The following MYOM1 variants were observed in gnomAD, a reference collection of about 807,000 sequenced individuals.
The protein encoded by MYOM1 is myomesin-1.
In MYOM1, 164 loss-of-function variants were observed where a neutral mutation model predicts 205.3. The ratio of observed to expected loss-of-function variants is 0.80; its 90% confidence interval spans 0.70 to 0.91. MYOM1 has a LOEUF of 0.91. Ranked by LOEUF, MYOM1 falls within the 40% of genes least tolerant of loss-of-function variation. MYOM1 has a pLI of 0.00. For synonymous variants in MYOM1, 772 were observed against 789.4 expected, an observed-to-expected ratio of 0.98 and a Z score of 0.37; for missense variants, 2,011 against 2,127.3, an observed-to-expected ratio of 0.95 and a Z score of 1.08.
At chr18:3,092,816 C>G (rs549466021) in intron 26 of MYOM1, among the ~76,000 whole-genome samples, 1 of 152,158 alleles carries the variant, frequency 6.6e-6, no homozygotes, top group Non-Finnish European at 1.5e-5. Flanking sequence ...ATCACTTGAA[C>G]GAGAAACTAC....
At chr18:3,085,193 A>ATTTTTT in intron 30 of MYOM1, 61 bp from the exon 31 acceptor site, 1 of 503,900 alleles carries the variant, frequency 2.0e-6, no homozygotes, top group Non-Finnish European at 3.0e-6. Flanking sequence ...GGTATCTGTG[A>ATTTTTT]TTTTTTTTTT....
chr18:3,237,081 AAAG>A, the MYOM1 span, among the ~76,000 whole-genome samples: 1 of 152,206 alleles, frequency 6.6e-6, no homozygotes, highest in East Asian at 1.9e-4. Flanking sequence ...GTCAGAAAAA[AAAG>A]ATTTATTATA....
chr18:3,211,154 A>G (rs1211019081), intron 2 of MYOM1, among the ~76,000 whole-genome samples: 1 of 152,360 alleles, frequency 6.6e-6, no homozygotes, highest in East Asian at 1.9e-4. Flanking sequence ...ATAAGAAAAC[A>G]TTCTTTTTAA....
rs80274985 is a variant in MYOM1, at chr18:3,135,836, A to G, written c.2026-106T>C. ...CATCTGCAACAAACCACTCCCTGTA[A>G]TGCAAGCTGGACTGGAGGAGAGATG... On this transcript the variant is annotated intron_variant, in intron 14 of 37. Transcript: ENST00000356443. This position sits in a 1 kb window ranked among gnomAD's most constrained non-coding sequence, Gnocchi z 4.1. 9.5e-4 allele frequency: 1,162 copies of G among 1,223,196 alleles called. 14 individuals carry two copies. The East Asian group carries it at 0.026, about 28-fold the overall frequency. 75.8% of individuals were successfully genotyped at this position (1,223,196 alleles called of 1,614,324 possible). A position where few individuals can be genotyped will look rare whatever the true frequency, so the allele number is the denominator to read the frequency against.
chr18:3,176,877 A>T (rs1419352102), intron 5 of MYOM1, among the ~76,000 whole-genome samples: 1 of 145,070 alleles, frequency 6.9e-6, no homozygotes, highest in South Asian at 2.2e-4. Context: ...GTGAGACTCC[A>T]TCTCGAAAAA....
At chr18:3,108,987 C>A (rs1220377714) in intron 22 of MYOM1, among the ~76,000 whole-genome samples, 1 of 140,858 alleles carries the variant, frequency 7.1e-6, no homozygotes, top group Non-Finnish European at 1.6e-5. Context: ...TTTCTTTTTC[C>A]TTTTTTTTTT....
At chr18:3,231,437 C>T in the MYOM1 span, among the ~76,000 whole-genome samples, 1 of 152,100 alleles carries the variant, frequency 6.6e-6, no homozygotes, top group Admixed American at 6.5e-5. Flanking sequence ...AACATTTGGC[C>T]CATGAAACCC....
chr18:3,201,536 G>C (rs1275384138), intron 2 of MYOM1, among the ~76,000 whole-genome samples: 2 of 151,872 alleles, frequency 1.3e-5, no homozygotes, highest in African/African-American at 4.8e-5. Context: ...ATACACACAT[G>C]TACATGCACA....
intron 13 of MYOM1, among the ~76,000 whole-genome samples, chr18:3,145,461 T>C (rs1011594008): frequency 6.6e-6 from 1 of 152,056 alleles, no homozygotes; most frequent in Non-Finnish European, 1.5e-5. Flanking sequence ...TAGAATTAAA[T>C]TAAAAACAAA....
At position 3,126,689 on chromosome 18, in the gene MYOM1, T is replaced by C; in HGVS notation, c.2991+12A>G. 6.2e-7 allele frequency: 1 copy of C among 1,606,570 alleles called. No homozygotes were observed. Among genetic ancestry groups the C allele is most frequent in the Non-Finnish European group, 8.5e-7 (1 of 1,175,648 alleles). On this transcript the variant is annotated intron_variant, in intron 19 of 37. Coordinates refer to ENST00000356443, the MANE Select transcript of MYOM1 (RefSeq NM_003803.4). ...ATAGGACACGCCACACTACAGAAAG[T>C]CACGTGCTTACCTTGTATGCCTCCT...
rs749096655 is a variant in MYOM1 at position 3,215,055 on chromosome 18, C to T, written c.169G>A (p.Glu57Lys). Residue 57 changes from glutamate (E) to lysine (K), a missense_variant, in exon 2 of 38, where the codon GAG (glutamate) becomes AAG (lysine). Coordinates refer to ENST00000356443, the MANE Select transcript of MYOM1 (RefSeq NM_003803.4). Reference protein sequence around the residue: ...SSRSSAAHRRESEAFRRASAS... With the variant: ...SSRSSAAHRRKSEAFRRASAS... ...GACGCCCGACGGAAGGCCTCGGACT[C>T]CCGGCGGTGCGCGGCGGAGGAGCGG... 4 of 1,613,326 alleles carry T rather than the reference C, an allele frequency of 2.5e-6. No individual in the cohort carries two copies. The East Asian group carries it at 8.9e-5, about 36-fold the overall frequency.
chr18:3,147,533 GA>G (rs945811486), intron 13 of MYOM1, among the ~76,000 whole-genome samples: 19 of 152,056 alleles, frequency 1.2e-4, no homozygotes, highest in Middle Eastern at 3.4e-3. Context: ...CTTTGGGGGG[GA>G]AAAACCCAAC....
chr18:3,240,539 A>G, the MYOM1 span, among the ~76,000 whole-genome samples: 1 of 152,270 alleles, frequency 6.6e-6, no homozygotes, highest in Non-Finnish European at 1.5e-5. Flanking sequence ...AGGCCTCCTC[A>G]GCCACATGGA....
At chr18:3,114,544 A>ATTTTT (rs5822738) in intron 21 of MYOM1, among the ~76,000 whole-genome samples, 59 of 88,338 alleles carry the variant, frequency 6.7e-4, no homozygotes, top group African/African-American at 2.6e-3. Context: ...TGGTCAGCTA[A>ATTTTT]TTTTTTTTTT....
At chr18:3,241,910 G>T in the MYOM1 span, among the ~76,000 whole-genome samples, 1 of 152,214 alleles carries the variant, frequency 6.6e-6, no homozygotes, top group East Asian at 1.9e-4. Flanking sequence ...AGATTTGACT[G>T]CCCTGCTGGA....
chr18:3,187,314 C>T (rs554075989), intron 5 of MYOM1, among the ~76,000 whole-genome samples, 166 bp downstream of exon 5: 22 of 152,296 alleles, frequency 1.4e-4, no homozygotes, highest in African/African-American at 3.4e-4. Context: ...TCTTCCCATG[C>T]ATACAAATTC....
intron 17 of MYOM1, 79 bp downstream of exon 17, chr18:3,131,296 T>C: frequency 2.7e-6 from 4 of 1,502,970 alleles, no homozygotes; most frequent in Non-Finnish European, 3.6e-6. Flanking sequence ...GCTAAATAAT[T>C]TCTGGAGAGG....
At chr18:3,146,704 G>A (rs1229874255) in intron 13 of MYOM1, among the ~76,000 whole-genome samples, 1 of 151,952 alleles carries the variant, frequency 6.6e-6, no homozygotes, top group Admixed American at 6.6e-5. Context: ...CTGACATCAG[G>A]AAAAGGCAAA....
chr18:3,175,151 A>G (rs2080619663), intron 6 of MYOM1, among the ~76,000 whole-genome samples: 1 of 152,106 alleles, frequency 6.6e-6, no homozygotes, highest in Non-Finnish European at 1.5e-5. Context: ...CACATAGCTC[A>G]CTGTTGCTTT....
Sources: gnomAD v4.1 joint callset for allele counts (sites outside exome capture counted in the v4.1 genomes callset) on GRCh38, gnomAD v4.1.1 for gene constraint, Gnocchi (gnomAD v3.1) non-coding constraint, MANE v1.5 for transcripts, NCBI Gene and HGNC (gene_info 2026-07-23, HGNC 2026-07-21) for gene names.